Variants in SYT16 observed in about 807,000 individuals in gnomAD.
SYT16 encodes synaptotagmin 16, also known as synaptotagmin-16.
Under a neutral mutation model 61.4 loss-of-function variants are expected in SYT16, and 42 were observed. That is an observed-to-expected ratio of 0.68 (90% confidence interval 0.53 to 0.89). The LOEUF (loss-of-function observed/expected upper bound fraction) is 0.89, where lower values mean the gene tolerates loss of function less well. Among genes scored for constraint, SYT16 ranks in the 40% least tolerant of loss-of-function variants. The probability of loss-of-function intolerance (pLI) is 0.00; values close to 1 mark genes in which losing one functional copy is unlikely to be tolerated. For synonymous variants in SYT16, 314 were observed against 302.3 expected, an observed-to-expected ratio of 1.04 and a Z score of -0.40; for missense variants, 804 against 807.3, an observed-to-expected ratio of 1.00 and a Z score of 0.05.
intron 3 of SYT16, among the ~76,000 whole-genome samples, chr14:62,047,458 C>A (rs1408123249): frequency 6.6e-6 from 1 of 152,132 alleles, no homozygotes; most frequent in African/African-American, 2.4e-5. Context: ...TAATTGAATG[C>A]CCGTTATTTC....
chr14:61,933,120 T>A (rs1236464911), intron 1 of SYT16, among the ~76,000 whole-genome samples: 1 of 152,218 alleles, frequency 6.6e-6, no homozygotes, highest in Non-Finnish European at 1.5e-5. Context: ...CTTGTTTGTT[T>A]GTTATATTCT....
chr14:62,079,032 A>G (rs1421286751), intron 5 of SYT16, among the ~76,000 whole-genome samples: 1 of 152,256 alleles, frequency 6.6e-6, no homozygotes, highest in Admixed American at 6.5e-5. Context: ...GTTAGCTATT[A>G]TTACTTATGG....
rs1023035137 is a variant in SYT16 at position 62,014,673 on chromosome 14, A to T, written c.523+18131A>T. ...GGACTCAAACTCCTGACCTCAGGTGATCCACCCGCCTTGGCTTCCCGAAGG... is the reference window on the plus strand; with the variant it reads ...GGACTCAAACTCCTGACCTCAGGTGTTCCACCCGCCTTGGCTTCCCGAAGG... On this transcript the variant is annotated intron_variant, in intron 3 of 7. Coordinates refer to ENST00000683842, the MANE Select transcript of SYT16 (RefSeq NM_001367656.1). 5.9e-5 allele frequency among the ~76,000 whole-genome samples: 9 copies of T among 152,070 alleles called. 1 individual carries two copies. The South Asian group carries it at 1.9e-3, about 32-fold the overall frequency.
chr14:61,946,431 G>T (rs986998624), intron 1 of SYT16, among the ~76,000 whole-genome samples: 2 of 152,092 alleles, frequency 1.3e-5, no homozygotes, highest in African/African-American at 4.8e-5. Context: ...TAGGAGGGGG[G>T]TGAGGGCTGA....
At chr14:61,857,815 C>G (rs1430276202) in intron 1 of SYT16, among the ~76,000 whole-genome samples, 1 of 152,034 alleles carries the variant, frequency 6.6e-6, no homozygotes, top group Non-Finnish European at 1.5e-5. Flanking sequence ...GATGGGAACA[C>G]AAGCAATTCA....
At chr14:61,860,406 A>G (rs2046926677) in intron 1 of SYT16, among the ~76,000 whole-genome samples, 2 of 152,222 alleles carry the variant, frequency 1.3e-5, no homozygotes. Flanking sequence ...AGGAAGCAAG[A>G]TGATCAACTC....
chr14:61,964,898 CT>C (rs377488291), intron 1 of SYT16, among the ~76,000 whole-genome samples: 423 of 142,768 alleles, frequency 3.0e-3, no homozygotes, highest in South Asian at 3.6e-3. Flanking sequence ...TGATTTTTAG[CT>C]TTTTTTTTTT....
chr14:61,990,064 A>G (rs1021679144), intron 2 of SYT16, among the ~76,000 whole-genome samples: 2 of 152,206 alleles, frequency 1.3e-5, no homozygotes, highest in African/African-American at 2.4e-5. Context: ...TCAATGACAC[A>G]TATTCCAACC....
intron 1 of SYT16, among the ~76,000 whole-genome samples, chr14:61,947,361 T>C (rs1476635260): frequency 6.6e-6 from 1 of 151,050 alleles, no homozygotes; most frequent in African/African-American, 2.4e-5. Context: ...TCCTTCTAAA[T>C]TAACAGTTTT....
chr14:61,997,502 GATAT>G (rs1420242231), intron 3 of SYT16, among the ~76,000 whole-genome samples: 1 of 152,012 alleles, frequency 6.6e-6, no homozygotes, highest in Non-Finnish European at 1.5e-5. Context: ...GTTTTATCCA[GATAT>G]ATGAAGTCTT....
rs2057415362 is a variant in SYT16 at position 62,101,397 on chromosome 14, T to A, written c.*690T>A. On this transcript the variant is annotated 3_prime_UTR_variant, in exon 8 of 8. Transcript: ENST00000683842. ...AACTACTGTTTTAAGACAACTTGTC[T>A]CCTTTTGAATATGTAAGATTTCAAA... is the stretch of plus-strand genomic sequence containing the variant. 1 of 152,190 alleles carries A rather than the reference T, an allele frequency of 6.6e-6. No individual in the cohort carries two copies. Among genetic ancestry groups the A allele is most frequent in the East Asian group, 1.9e-4 (1 of 5,200 alleles). 9.4% of individuals were successfully genotyped at this position (152,190 alleles called of 1,614,324 possible).
At chr14:61,947,734 G>A (rs974738305) in intron 1 of SYT16, among the ~76,000 whole-genome samples, 4 of 152,114 alleles carry the variant, frequency 2.6e-5, no homozygotes, top group African/African-American at 9.7e-5. Context: ...CTACAGCCTC[G>A]TGGGGATAAC....
intron 7 of SYT16, among the ~76,000 whole-genome samples, chr14:62,091,766 A>G (rs2057082323): frequency 6.6e-6 from 1 of 152,206 alleles, no homozygotes; most frequent in Non-Finnish European, 1.5e-5. Flanking sequence ...AAGAAAACAT[A>G]GGGCAAAAAC....
At chr14:61,941,668 C>T (rs930680090) in intron 1 of SYT16, among the ~76,000 whole-genome samples, 4 of 152,178 alleles carry the variant, frequency 2.6e-5, no homozygotes, top group African/African-American at 9.7e-5. Flanking sequence ...TGGAATCTCT[C>T]TTTTCTTCTT....
At chr14:62,078,489 A>G (rs990261523) in intron 5 of SYT16, among the ~76,000 whole-genome samples, 9 of 152,180 alleles carry the variant, frequency 5.9e-5, no homozygotes, top group Admixed American at 1.3e-4. Flanking sequence ...TCAAAAAGAT[A>G]ATGTTTCTTA....
chr14:62,091,650 C>A (rs1284405470), intron 7 of SYT16, among the ~76,000 whole-genome samples: 1 of 152,048 alleles, frequency 6.6e-6, no homozygotes, highest in African/African-American at 2.4e-5. Flanking sequence ...TGGATCTCAA[C>A]CTGCAAAAGC....
intron 2 of SYT16, among the ~76,000 whole-genome samples, chr14:61,975,809 T>C (rs2051766398): frequency 6.6e-6 from 1 of 152,208 alleles, no homozygotes; most frequent in Non-Finnish European, 1.5e-5. Flanking sequence ...ATTCTGCTCC[T>C]GGTTCCCCCC....
At chr14:61,978,365 G>T (rs1230333628) in intron 2 of SYT16, among the ~76,000 whole-genome samples, 1 of 152,062 alleles carries the variant, frequency 6.6e-6, no homozygotes, top group Non-Finnish European at 1.5e-5. Context: ...CCTCAACTGG[G>T]GTTATAATGA....
At chr14:61,841,576 C>T (rs1445357762) in intron 1 of SYT16, among the ~76,000 whole-genome samples, 5 of 152,012 alleles carry the variant, frequency 3.3e-5, no homozygotes, top group Admixed American at 3.3e-4. Context: ...ATGGGTATTA[C>T]ATGTGTAATG....
Sources: gnomAD v4.1 joint callset for allele counts (sites outside exome capture counted in the v4.1 genomes callset) on GRCh38, gnomAD v4.1.1 for gene constraint, MANE v1.5 for transcripts, NCBI Gene and HGNC (gene_info 2026-07-23, HGNC 2026-07-21) for gene names.